GYPE: variants seen among roughly 807,000 people sequenced by gnomAD.
GYPE encodes glycophorin-E.
Under a neutral mutation model 11.6 loss-of-function variants are expected in GYPE, and 8 were observed. The ratio of observed to expected loss-of-function variants is 0.69; its 90% CI spans 0.41 to 1.25. GYPE has a LOEUF of 1.25. GYPE is among the 50% of genes most tolerant of loss of function. The pLI, the probability that GYPE is intolerant of heterozygous loss-of-function variation, is 0.01. For synonymous variants in GYPE, 28 were observed against 29.6 expected, an observed-to-expected ratio of 0.94 and a Z score of 0.18; for missense variants, 90 against 92.8, an observed-to-expected ratio of 0.97 and a Z score of 0.12.
At chr4:143,881,396 T>G (rs1339473809) in intron 1 of GYPE, among the ~76,000 whole-genome samples, 1 of 152,096 alleles carries the variant, frequency 6.6e-6, no homozygotes, top group Non-Finnish European at 1.5e-5. Flanking sequence ...ATAGATTCAA[T>G]AAAGAAAATT....
At chr4:143,890,799 G>T (rs1331512292) in intron 1 of GYPE, among the ~76,000 whole-genome samples, 2 of 151,924 alleles carry the variant, frequency 1.3e-5, no homozygotes, top group Non-Finnish European at 2.9e-5. Context: ...TGTTTCTTAG[G>T]GTTTTGTTTT....
intron 2 of GYPE, among the ~76,000 whole-genome samples, chr4:143,879,009 A>G (rs1743918602): frequency 3.9e-5 from 6 of 152,312 alleles, no homozygotes; most frequent in Admixed American, 2.6e-4. Flanking sequence ...AAATATAAAA[A>G]TAATGAGAAG....
intron 1 of GYPE, among the ~76,000 whole-genome samples, chr4:143,890,142 G>A (rs1167438232): frequency 1.3e-5 from 2 of 152,210 alleles, no homozygotes; most frequent in South Asian, 4.1e-4. Flanking sequence ...CCTGAGGGTA[G>A]GAGTGTTGTA....
chr4:143,873,779 T>A (rs533476442), intron 3 of GYPE, among the ~76,000 whole-genome samples: 2,572 of 152,126 alleles, frequency 0.017, 87 homozygotes, highest in African/African-American at 0.059. Context: ...TAAAAATAAC[T>A]AAGGGGCAGA....
At chr4:143,875,684 T>C (rs182199515) in intron 3 of GYPE, among the ~76,000 whole-genome samples, 19 of 152,204 alleles carry the variant, frequency 1.2e-4, no homozygotes, top group East Asian at 9.7e-4. Flanking sequence ...AAAACCCTAA[T>C]TGGGGCCAGG....
chr4:143,880,665 G>A (rs988473698), intron 1 of GYPE, among the ~76,000 whole-genome samples, 156 bp from the exon 2 acceptor site: 2 of 152,170 alleles, frequency 1.3e-5, no homozygotes, highest in African/African-American at 4.8e-5. Flanking sequence ...TTGCTGTGTG[G>A]TAAGTATTGT....
chr4:143,876,630 G>T (rs1743821381), intron 3 of GYPE, 116 bp downstream of exon 3: 8 of 644,972 alleles, frequency 1.2e-5, no homozygotes, highest in East Asian at 2.8e-5. Context: ...AGTTGAAAAA[G>T]ATGGAATTTT....
intron 1 of GYPE, among the ~76,000 whole-genome samples, chr4:143,893,794 G>C (rs1229292522): frequency 6.6e-6 from 1 of 152,014 alleles, no homozygotes; most frequent in East Asian, 1.9e-4. Flanking sequence ...GTGTCTTGGA[G>C]TTGCTTTTCT....
At chr4:143,882,056 A>G (rs1428049209) in intron 1 of GYPE, among the ~76,000 whole-genome samples, 3 of 152,126 alleles carry the variant, frequency 2.0e-5, no homozygotes, top group Non-Finnish European at 4.4e-5. Flanking sequence ...GACATGATCT[A>G]TTGTTCCTAA....
chr4:143,900,700 A>T (rs1187965580), intron 1 of GYPE, among the ~76,000 whole-genome samples: 1 of 152,152 alleles, frequency 6.6e-6, no homozygotes, highest in Non-Finnish European at 1.5e-5. Context: ...TGAACTTTAA[A>T]CACATTATTT....
At chr4:143,893,452 A>T (rs10022168) in intron 1 of GYPE, among the ~76,000 whole-genome samples, 146,928 of 151,216 alleles carry the variant, frequency 0.97, 71,546 homozygotes, top group East Asian at 1. Flanking sequence ...CTGTTACCGG[A>T]TGTGCCTTTC....
Position 143,889,851 on chromosome 4 carries a change from GA to G in GYPE, c.38-9343del, listed in dbSNP as rs202016507. ...ATATTAATTATTCTTTGTGGAGGAG[GA>G]AAAAAAAACATCAGAAACATTGCCC... is the stretch of plus-strand genomic sequence containing the variant. On this transcript the variant is annotated intron_variant, in intron 1 of 3. Coordinates refer to ENST00000358615, the MANE Select transcript of GYPE (RefSeq NM_198682.3). Among the ~76,000 whole-genome samples, 49 of 150,974 alleles carry G rather than the reference GA, an allele frequency of 3.2e-4. 1 individual carries two copies. The East Asian group carries it at 6.6e-3, about 20-fold the overall frequency.
At chr4:143,873,239 T>C (rs563041793) in intron 3 of GYPE, 2 of 296,608 alleles carry the variant, frequency 6.7e-6, no homozygotes, top group South Asian at 3.4e-5. Context: ...ATATACAGCA[T>C]TTTTATGCTT....
intron 1 of GYPE, among the ~76,000 whole-genome samples, chr4:143,902,892 T>C (rs941059059): frequency 2.6e-5 from 4 of 152,134 alleles, no homozygotes; most frequent in African/African-American, 7.2e-5. Context: ...ATTTCCTAGT[T>C]GAAGTGATAT....
intron 1 of GYPE, among the ~76,000 whole-genome samples, chr4:143,895,453 TGTTAAG>T (rs1744591115): frequency 1.3e-5 from 2 of 150,760 alleles, no homozygotes; most frequent in Non-Finnish European, 3.0e-5. Context: ...TTACAAGGGA[TGTTAAG>T]GACCTCTTCA....
intron 1 of GYPE, among the ~76,000 whole-genome samples, chr4:143,887,710 G>A (rs1744260079): frequency 6.6e-6 from 1 of 150,852 alleles, no homozygotes; most frequent in Non-Finnish European, 1.5e-5. Context: ...AAATCTCTCA[G>A]ATTGATAAGA....
chr4:143,889,916 T>C (rs1281265912), intron 1 of GYPE, among the ~76,000 whole-genome samples: 1 of 152,192 alleles, frequency 6.6e-6, no homozygotes, highest in African/African-American at 2.4e-5. Context: ...GTGGCAGAGC[T>C]GGATTTTGAA....
At chr4:143,883,293 T>C (rs1423454743) in intron 1 of GYPE, among the ~76,000 whole-genome samples, 1 of 152,000 alleles carries the variant, frequency 6.6e-6, no homozygotes, top group Non-Finnish European at 1.5e-5. Context: ...GATTGTTTCC[T>C]GAGGCCTCCC....
intron 1 of GYPE, among the ~76,000 whole-genome samples, chr4:143,893,954 G>A (rs1158996756): frequency 6.6e-6 from 1 of 152,160 alleles, no homozygotes; most frequent in African/African-American, 2.4e-5. Flanking sequence ...ACACCAATAA[G>A]ATGCAGATTT....
Sources: allele counts gnomAD v4.1 joint callset (sites outside exome capture counted in the v4.1 genomes callset), GRCh38; gene constraint gnomAD v4.1.1; transcripts MANE v1.5; gene names NCBI Gene and HGNC (gene_info 2026-07-23, HGNC 2026-07-21).